The following MYH3 variants were observed in gnomAD, a reference collection of about 807,000 sequenced individuals.
The protein encoded by MYH3 is myosin heavy chain 3.
MYH3 carries 130 observed loss-of-function variants against 238.0 expected under a neutral mutation model. That is an observed-to-expected ratio of 0.55 (90% CI 0.47 to 0.63). MYH3 has a LOEUF of 0.63. Among genes scored for constraint, MYH3 ranks in the 30% least tolerant of loss-of-function variants. The pLI is 0.00. For synonymous variants in MYH3, 880 were observed against 924.1 expected (o/e 0.95, Z 0.86); for missense variants, 1,853 against 2,374.9 (o/e 0.78, Z 4.57).
chr17:10,656,610 C>A (rs943154325), intron 1 of MYH3, among the ~76,000 whole-genome samples: 1 of 97,372 alleles, frequency 1.0e-5, no homozygotes, highest in African/African-American at 2.7e-5. Flanking sequence ...GCAGATGGGA[C>A]GTGACCCACA....
At position 10,638,406 on chromosome 17, in the gene MYH3, C is replaced by T. The variant is rs1250249319; in HGVS notation, c.3366G>A (p.Glu1122=). Residue 1122 remains glutamate, a synonymous_variant, in exon 27 of 41, where the codon GAG becomes GAA. Transcript: ENST00000583535. ...LQARIEELEE[E]IEAERATRAK... ...CGCGGGTGGCCCTCTCCGCCTCTAT[C>T]TCCTCTTCCAGCTCCTCAATTCGAG... is the stretch of plus-strand genomic sequence containing the variant. The T allele has an allele frequency of 2.5e-6, 4 of 1,600,794 alleles. No individual in the cohort carries two copies. The highest frequency in any genetic ancestry group is 1.7e-5 in the Admixed American group (1 of 59,998).
At chr17:10,665,941 A>G in the MYH3 span, among the ~76,000 whole-genome samples, 2 of 152,218 alleles carry the variant, frequency 1.3e-5, no homozygotes, top group Admixed American at 6.5e-5. Context: ...GAGAGTCCAG[A>G]AGGAGGCCCG....
the MYH3 span, among the ~76,000 whole-genome samples, chr17:10,665,758 T>C: frequency 6.6e-6 from 1 of 152,216 alleles, no homozygotes; most frequent in East Asian, 1.9e-4. Flanking sequence ...TTCCTTTTTC[T>C]GGAGCTAGAA....
At chr17:10,669,482 G>A in the MYH3 span, among the ~76,000 whole-genome samples, 3 of 151,056 alleles carry the variant, frequency 2.0e-5, no homozygotes, top group Admixed American at 6.6e-5. Flanking sequence ...CAGGAGAATC[G>A]CTTGAACCTG....
intron 28 of MYH3, 42 bp downstream of exon 28, chr17:10,637,767 C>CCA: frequency 1.2e-6 from 2 of 1,613,048 alleles, no homozygotes; most frequent in Non-Finnish European, 1.7e-6. Context: ...CCATTGGGTG[C>CCA]CAGGAGGTTT....
upstream of MYH3, among the ~76,000 whole-genome samples, chr17:10,658,005 G>T (rs544750844): frequency 3.3e-5 from 5 of 152,154 alleles, no homozygotes; most frequent in East Asian, 9.7e-4. Context: ...TAGTGACGTG[G>T]ATCTATGCTG....
At chr17:10,630,543 G>C in intron 36 of MYH3, 85 bp from the exon 37 acceptor site, 1 of 1,586,548 alleles carries the variant, frequency 6.3e-7, no homozygotes, top group South Asian at 1.1e-5. Context: ...CGGAGGACCA[G>C]AGACCATGCT....
chr17:10,660,611 C>T (rs767145802), upstream of MYH3, among the ~76,000 whole-genome samples: 16 of 150,762 alleles, frequency 1.1e-4, no homozygotes, highest in South Asian at 2.1e-4. Flanking sequence ...TGGGAGGCGG[C>T]GCTTGCAGTG....
intron 4 of MYH3, 72 bp from the exon 5 acceptor site, chr17:10,651,740 T>C (rs550889699): frequency 2.0e-6 from 3 of 1,485,928 alleles, no homozygotes; most frequent in Admixed American, 4.4e-5. Context: ...CCTTTATTAT[T>C]ATTATTGTTT....
chr17:10,669,783 T>C, the MYH3 span, among the ~76,000 whole-genome samples: 1 of 152,050 alleles, frequency 6.6e-6, no homozygotes. Context: ...TGGTGGTATG[T>C]GCCTGTAGTC....
chr17:10,662,311 T>C, the MYH3 span, among the ~76,000 whole-genome samples: 246 of 152,298 alleles, frequency 1.6e-3, no homozygotes, highest in African/African-American at 5.0e-3. Context: ...CAGGAGCCAC[T>C]GCGTCTGGTC....
At chr17:10,676,589 A>C in the MYH3 span, 1 of 152,322 alleles carries the variant, frequency 6.6e-6, no homozygotes, top group Admixed American at 6.5e-5. Context: ...AAAGGAAAAA[A>C]AGAAAACTCA....
chr17:10,633,295 G>A (rs1169175519), intron 33 of MYH3, among the ~76,000 whole-genome samples: 1 of 152,204 alleles, frequency 6.6e-6, no homozygotes, highest in South Asian at 2.1e-4. Flanking sequence ...CAATAATAAT[G>A]TTTAAATCAT....
rs535947109 is a variant in MYH3, at chr17:10,640,037, G to A, written c.2641C>T (p.Leu881=). ...RKELEEKLVT[L]VQEKNDLQLQ... ...TGCAGGTCATTCTTCTCTTGGACCAGAGTCACCAGTTTTTCCTCTAGCTCC... is the reference window on the plus strand; with the variant it reads ...TGCAGGTCATTCTTCTCTTGGACCAAAGTCACCAGTTTTTCCTCTAGCTCC... The change falls in exon 22 of 41, where the codon CTG becomes TTG. Residue 881 remains leucine, a synonymous_variant. Coordinates refer to ENST00000583535, the MANE Select transcript of MYH3 (RefSeq NM_002470.4). 1.2e-6 allele frequency: 2 copies of A among 1,613,830 alleles called. No homozygotes were observed. Among genetic ancestry groups the A allele is most frequent in the Middle Eastern group, 1.7e-4 (1 of 6,038 alleles).
chr17:10,639,316 C>T lies in MYH3; in HGVS notation c.3084G>A (p.Leu1028=). The change falls in exon 24 of 41, where the codon CTG becomes CTA. Residue 1028 remains leucine, a synonymous_variant. Transcript: ENST00000583535. ...VNSLNKTKSK[L]EQQVEDLESS... ...TACTTACGTCTTCCACTTGCTGTTC[C>T]AGTTTGCTCTTGGTTTTGTTCAAAG... is the stretch of plus-strand genomic sequence containing the variant. The T allele has an allele frequency of 6.2e-7, 1 of 1,614,156 alleles. No homozygotes were observed. The highest frequency in any genetic ancestry group is 8.5e-7 in the Non-Finnish European group (1 of 1,180,030).
chr17:10,634,020 C>CT lies in MYH3; in HGVS notation c.4518dup (p.Glu1507ArgfsTer13), dbSNP rs1350545757. ...CAGAGGGTTTCGAATAGCTTACGCTCTAAGTTCTTATTTTCCCGTTTCACA... is the reference window on the plus strand; with the variant it reads ...CAGAGGGTTTCGAATAGCTTACGCTCTTAAGTTCTTATTTTCCCGTTTCACA... On this transcript the variant is annotated frameshift_variant, in exon 32 of 41. Transcript: ENST00000583535. LOFTEE classifies it high-confidence loss of function. 1 of 1,613,832 alleles carries CT rather than the reference C, an allele frequency of 6.2e-7. No homozygotes were observed. The highest frequency in any genetic ancestry group is 8.5e-7 in the Non-Finnish European group (1 of 1,180,046).
rs577225074 is a variant in MYH3 at position 10,643,399 on chromosome 17, C to T, written c.1411-403G>A. ...TTTTTTTTTTCTTTTTTTTTTGAGA[C>T]GGAGTCTTGCTCTGTCACCAGGCTG... On this transcript the variant is annotated intron_variant, in intron 14 of 40. Transcript: ENST00000583535. 3.3e-5 allele frequency among the ~76,000 whole-genome samples: 5 copies of T among 149,710 alleles called. No homozygotes were observed. In the South Asian group the frequency reaches 8.4e-4, roughly 25 times the overall value.
intron 14 of MYH3, among the ~76,000 whole-genome samples, chr17:10,643,907 C>T (rs2074296044): frequency 6.6e-6 from 1 of 152,048 alleles, no homozygotes; most frequent in South Asian, 2.1e-4. Flanking sequence ...TGCCTGTAAT[C>T]CCAACACTTT....
intron 12 of MYH3, among the ~76,000 whole-genome samples, chr17:10,645,401 T>C (rs1183909204): frequency 6.6e-6 from 1 of 151,968 alleles, no homozygotes; most frequent in Non-Finnish European, 1.5e-5. Flanking sequence ...CACTGCACTC[T>C]AGCCTGGATG....
Sources: allele counts gnomAD v4.1 joint callset (sites outside exome capture counted in the v4.1 genomes callset), GRCh38; gene constraint gnomAD v4.1.1; transcripts MANE v1.5; gene names NCBI Gene and HGNC (gene_info 2026-07-23, HGNC 2026-07-21).